ETV2: variants seen among roughly 807,000 people sequenced by gnomAD.
ETV2 encodes ETS translocation variant 2.
In ETV2, 34 loss-of-function variants were observed where a neutral mutation model predicts 35.7. That is an observed-to-expected ratio of 0.95 (90% CI 0.72 to 1.27). ETV2 has a LOEUF of 1.27. Ranked by LOEUF, ETV2 falls within the 50% of genes most tolerant of loss-of-function variation. ETV2 has a pLI of 0.00. For synonymous variants in ETV2, 207 were observed against 203.9 expected (o/e 1.02, Z -0.13); for missense variants, 512 against 470.5 (o/e 1.09, Z -0.82).
Position 35,643,769 on chromosome 19 carries a change from AG to A in ETV2, c.715+17del, listed in dbSNP as rs1393765606. 1.2e-6 allele frequency: 2 copies of A among 1,612,896 alleles called. No individual in the cohort carries two copies. Among genetic ancestry groups the A allele is most frequent in the African/African-American group, 2.7e-5 (2 of 74,842 alleles). On this transcript the variant is annotated intron_variant, in intron 5 of 6. Transcript: ENST00000402764. This position sits in a 1 kb window ranked among gnomAD's most constrained non-coding sequence, Gnocchi z 5.0. ...AACCACCGAGGTGAGAGGGCCGCAA[AG>A]ACTGCGGGGAGGGCGAAGCTGGAGT...
At position 35,643,737 on chromosome 19, in the gene ETV2, C is replaced by T. The variant is rs1967688414; in HGVS notation, c.699C>T (p.Pro233=). 1 of 1,613,498 alleles carries T rather than the reference C, an allele frequency of 6.2e-7. No individual in the cohort carries two copies. The highest frequency in any genetic ancestry group is 1.3e-5 in the African/African-American group (1 of 74,900). The change falls in exon 5 of 7, where the codon CCC becomes CCT. Residue 233 remains proline (P), a synonymous_variant. Transcript: ENST00000402764. This position sits in a 1 kb window ranked among gnomAD's most constrained non-coding sequence, Gnocchi z 5.0. ...ACCGTGCCAGTTTGGCTCGATGCCC[C>T]AAAACTAACCACCGAGGTGAGAGGG... ...QSDRASLARC[P]KTNHRGPIQL... is the part of the protein sequence containing the mutation.
In ETV2 at chr19:35,643,348, G is replaced by C. The variant is rs1967662813; in HGVS notation, c.310G>C (p.Gly104Arg). 6.3e-7 allele frequency: 1 copy of C among 1,592,340 alleles called. No homozygotes were observed. The highest frequency in any genetic ancestry group is 8.5e-7 in the Non-Finnish European group (1 of 1,171,194). Reference sequence around the variant, plus strand: ...GTGCACAGCCTGGGACTCTTGGAGCGGCGCCTCGCAGACCCTGGGCCCCGC... The same window carrying C: ...GTGCACAGCCTGGGACTCTTGGAGCCGCGCCTCGCAGACCCTGGGCCCCGC... ...MACTAWDSWS[G>R]ASQTLGPAPL... The change falls in exon 5 of 7, where the codon GGC (glycine) becomes CGC (arginine). Residue 104 changes from glycine (G) to arginine (R), a missense_variant. By Grantham distance (125) the Gly-to-Arg change is moderately radical. Coordinates refer to ENST00000402764, the MANE Select transcript of ETV2 (RefSeq NM_014209.4). This position sits in a 1 kb window ranked among gnomAD's most constrained non-coding sequence, Gnocchi z 5.0.
rs1967639374 is a variant in ETV2 at position 35,642,823 on chromosome 19, C to A, written c.154+125C>A. ...GGGTGGGGAGGGGCCGCGTGCTTGA[C>A]CCCTGAGGGTGAAGGAAAAGGGGGC... On this transcript the variant is annotated intron_variant, in intron 3 of 6. Transcript: ENST00000402764. This position sits in a 1 kb window ranked among gnomAD's most constrained non-coding sequence, Gnocchi z 4.4. 1.3e-5 allele frequency: 13 copies of A among 1,006,864 alleles called. No homozygotes were observed. The highest frequency in any genetic ancestry group is 2.0e-5 in the Non-Finnish European group (13 of 657,990). 62.4% of individuals were successfully genotyped at this position (1,006,864 alleles called of 1,614,324 possible).
At position 35,642,757 on chromosome 19, in the gene ETV2, G is replaced by T; in HGVS notation, c.154+59G>T. On this transcript the variant is annotated intron_variant, in intron 3 of 6. Coordinates refer to ENST00000402764, the MANE Select transcript of ETV2 (RefSeq NM_014209.4). This position sits in a 1 kb window ranked among gnomAD's most constrained non-coding sequence, Gnocchi z 4.4. ...AAGAAGCGGGGAGGCTGGGATCCTA[G>T]GGCAAAGGGAGGAGGGGGGCGTGCC... 2 of 1,391,992 alleles carry T rather than the reference G, an allele frequency of 1.4e-6. No individual in the cohort carries two copies. The highest frequency in any genetic ancestry group is 2.0e-6 in the Non-Finnish European group (2 of 1,006,286). 86.2% of individuals were successfully genotyped at this position (1,391,992 alleles called of 1,614,324 possible). A position where few individuals can be genotyped will look rare whatever the true frequency, so the allele number is the denominator to read the frequency against.
chr19:35,643,779 G>A lies in ETV2; in HGVS notation c.715+26G>A, dbSNP rs374150267. 1.8e-4 allele frequency: 292 copies of A among 1,612,774 alleles called. No homozygotes were observed. Among genetic ancestry groups the A allele is most frequent in the East Asian group, 6.0e-4 (27 of 44,822 alleles). On this transcript the variant is annotated intron_variant, in intron 5 of 6. Coordinates refer to ENST00000402764, the MANE Select transcript of ETV2 (RefSeq NM_014209.4). The surrounding 1 kb of genome is among the most constrained non-coding windows in gnomAD (Gnocchi z 5.0). ...GTGAGAGGGCCGCAAAGACTGCGGG[G>A]AGGGCGAAGCTGGAGTCCTGAGCCG... is the stretch of plus-strand genomic sequence containing the variant.
Position 35,642,747 on chromosome 19 carries a change from T to C in ETV2, c.154+49T>C. On this transcript the variant is annotated intron_variant, in intron 3 of 6. Coordinates refer to ENST00000402764, the MANE Select transcript of ETV2 (RefSeq NM_014209.4). This position sits in a 1 kb window ranked among gnomAD's most constrained non-coding sequence, Gnocchi z 4.4. ...AGTGCTGGAGAAGAAGCGGGGAGGC[T>C]GGGATCCTAGGGCAAAGGGAGGAGG... 7.0e-7 allele frequency: 1 copy of C among 1,425,296 alleles called. No homozygotes were observed. The highest frequency in any genetic ancestry group is 1.5e-5 in the African/African-American group (1 of 67,122). The allele number at this position is 1,425,296 out of a possible 1,614,324, so 88.3% of individuals were successfully genotyped here.
chr19:35,643,386 G>C lies in ETV2; in HGVS notation c.348G>C (p.Pro116=). ...CCCTGGGCCCCGCCCCTCTCGGCCC[G>C]GGCCCCATCCCCGCCGCCGGCTCCG... ...SQTLGPAPLG[P]GPIPAAGSEG... The change falls in exon 5 of 7, where the codon CCG becomes CCC. Residue 116 remains proline, a synonymous_variant. Transcript: ENST00000402764. The surrounding 1 kb of genome is among the most constrained non-coding windows in gnomAD (Gnocchi z 5.0). The C allele has an allele frequency of 1.3e-6, 2 of 1,551,430 alleles. No homozygotes were observed. The highest frequency in any genetic ancestry group is 1.7e-6 in the Non-Finnish European group (2 of 1,148,278).
Position 35,644,390 on chromosome 19 carries a change from C to G in ETV2, c.828+43C>G. ...CCCAGCCAAATCCGCCCCGTCTCTT[C>G]TAGTTCAATTTAGCTCCGCCCAAGG... On this transcript the variant is annotated intron_variant, in intron 6 of 6. Transcript: ENST00000402764. This position sits in a 1 kb window ranked among gnomAD's most constrained non-coding sequence, Gnocchi z 4.7. The G allele has an allele frequency of 7.6e-7, 1 of 1,317,162 alleles. No homozygotes were observed. The highest frequency in any genetic ancestry group is 1.1e-6 in the Non-Finnish European group (1 of 936,130). The allele number at this position is 1,317,162 out of a possible 1,614,324, so 81.6% of individuals were successfully genotyped here.
chr19:35,643,658 A>G lies in ETV2; in HGVS notation c.620A>G (p.Lys207Arg), dbSNP rs779213539. Residue 207 changes from lysine (K) to arginine (R), a missense_variant, in exon 5 of 7, where the codon AAG becomes AGG. Physicochemically the swap from Lys to Arg is conservative, Grantham distance 26. Coordinates refer to ENST00000402764, the MANE Select transcript of ETV2 (RefSeq NM_014209.4). The surrounding 1 kb of genome is among the most constrained non-coding windows in gnomAD (Gnocchi z 5.0). ...CATGCGGGTGGCACCACCTCTTTGA[A>G]GCGGTACCAGAGCTCAGCTCTCACC... ...GLHAGGTTSL[K>R]RYQSSALTVC... is the part of the protein sequence containing the mutation. 6.2e-6 allele frequency: 10 copies of G among 1,613,602 alleles called. No homozygotes were observed. In the African/African-American group the frequency reaches 1.2e-4, roughly 19 times the overall value.
chr19:35,643,339 T>A lies in ETV2; in HGVS notation c.301T>A (p.Ser101Thr). ...WTDMACTAWDSWSGASQTLGP... is the reference protein window; with the variant it reads ...WTDMACTAWDTWSGASQTLGP... ...AGACATGGCGTGCACAGCCTGGGAC[T>A]CTTGGAGCGGCGCCTCGCAGACCCT... Residue 101 changes from serine (S) to threonine (T), a missense_variant, in exon 5 of 7, where the codon TCT (serine) becomes ACT (threonine). Coordinates refer to ENST00000402764, the MANE Select transcript of ETV2 (RefSeq NM_014209.4). The surrounding 1 kb of genome is among the most constrained non-coding windows in gnomAD (Gnocchi z 5.0). 1 of 1,597,512 alleles carries A rather than the reference T, an allele frequency of 6.3e-7. No homozygotes were observed. Among genetic ancestry groups the A allele is most frequent in the Non-Finnish European group, 8.5e-7 (1 of 1,173,690 alleles).
Position 35,644,742 on chromosome 19 carries a change from A to G in ETV2, c.919A>G (p.Ile307Val). 6.2e-7 allele frequency: 1 copy of G among 1,609,966 alleles called. No homozygotes were observed. ...CCTTCGCTACTACTATCGCCGCGACATCGTGCGCAAGAGCGGGGGGCGAAA... is the reference window on the plus strand; with the variant it reads ...CCTTCGCTACTACTATCGCCGCGACGTCGTGCGCAAGAGCGGGGGGCGAAA... Reference protein sequence around the residue: ...RGLRYYYRRDIVRKSGGRKYT... With the variant: ...RGLRYYYRRDVVRKSGGRKYT... The change falls in exon 7 of 7, where the codon ATC (isoleucine) becomes GTC (valine). Residue 307 changes from isoleucine to valine, a missense_variant. Ile to Val is a conservative substitution (Grantham distance 29, BLOSUM62 3). Transcript: ENST00000402764. The surrounding 1 kb of genome is among the most constrained non-coding windows in gnomAD (Gnocchi z 4.7).
Position 35,643,233 on chromosome 19 carries a change from C to T in ETV2, c.236-41C>T. ...TTAGACCCTAGAGTTTTTGAGGGGG[C>T]ACCTGGGCTCCCCTCACTCGGGATC... On this transcript the variant is annotated intron_variant, in intron 4 of 6. Transcript: ENST00000402764. The surrounding 1 kb of genome is among the most constrained non-coding windows in gnomAD (Gnocchi z 5.0). 1 of 1,556,836 alleles carries T rather than the reference C, an allele frequency of 6.4e-7. No homozygotes were observed. The highest frequency in any genetic ancestry group is 8.7e-7 in the Non-Finnish European group (1 of 1,155,570).
chr19:35,644,320 C>T lies in ETV2; in HGVS notation c.801C>T (p.Arg267=). ...GCATCCGTTGGACTGGCAACAGCCG[C>T]GAGTTCCAGCTGTGCGACCCCAAAG... ...SSCIRWTGNS[R]EFQLCDPKEV... The change falls in exon 6 of 7, where the codon CGC becomes CGT. Residue 267 remains arginine (R), a synonymous_variant. Transcript: ENST00000402764. This position sits in a 1 kb window ranked among gnomAD's most constrained non-coding sequence, Gnocchi z 4.7. 1 of 1,554,562 alleles carries T rather than the reference C, an allele frequency of 6.4e-7. No homozygotes were observed. The highest frequency in any genetic ancestry group is 1.4e-5 in the African/African-American group (1 of 73,324).
chr19:35,644,138 C>A lies in ETV2; in HGVS notation c.716-97C>A. On this transcript the variant is annotated intron_variant, in intron 5 of 6. Coordinates refer to ENST00000402764, the MANE Select transcript of ETV2 (RefSeq NM_014209.4). The surrounding 1 kb of genome is among the most constrained non-coding windows in gnomAD (Gnocchi z 4.7). ...GGGGGGCGGATCCCCTTCTCGGGTCCTGGGTCCCGAGTTGGGAGGACCCGG... is the reference window on the plus strand; with the variant it reads ...GGGGGGCGGATCCCCTTCTCGGGTCATGGGTCCCGAGTTGGGAGGACCCGG... 1.2e-6 allele frequency: 1 copy of A among 848,716 alleles called. No homozygotes were observed. The highest frequency in any genetic ancestry group is 1.9e-6 in the Non-Finnish European group (1 of 515,548). The allele number at this position is 848,716 out of a possible 1,614,324, so 52.6% of individuals were successfully genotyped here.
Position 35,644,302 on chromosome 19 carries a change from T to G in ETV2, c.783T>G (p.Arg261=), listed in dbSNP as rs1249035089. 1 of 1,557,814 alleles carries G rather than the reference T, an allele frequency of 6.4e-7. No individual in the cohort carries two copies. Among genetic ancestry groups the G allele is most frequent in the South Asian group, 1.2e-5 (1 of 84,484 alleles). The change falls in exon 6 of 7, where the codon CGT becomes CGG. Residue 261 remains arginine, a synonymous_variant. Transcript: ENST00000402764. The surrounding 1 kb of genome is among the most constrained non-coding windows in gnomAD (Gnocchi z 4.7). ...LHDGARSSCI[R]WTGNSREFQL... The stretch of plus-strand genomic sequence containing the variant: ...ACGGGGCGCGTAGCAGCTGCATCCG[T>G]TGGACTGGCAACAGCCGCGAGTTCC...
Position 35,642,513 on chromosome 19 carries a change from A to C in ETV2, c.53A>C (p.Asn18Thr), listed in dbSNP as rs146305038. ...EASPQEVPPGNKLAGLEGAKL... is the reference protein window; with the variant it reads ...EASPQEVPPGTKLAGLEGAKL... ...TCCCCACAGGAAGTGCCTCCAGGGAACAAGCTGGCAGGGCTTGGTAGGCTG... is the reference window on the plus strand; with the variant it reads ...TCCCCACAGGAAGTGCCTCCAGGGACCAAGCTGGCAGGGCTTGGTAGGCTG... Residue 18 changes from asparagine (N) to threonine (T), a missense_variant, in exon 2 of 7, where the codon AAC becomes ACC. Transcript: ENST00000402764. This position sits in a 1 kb window ranked among gnomAD's most constrained non-coding sequence, Gnocchi z 4.4. 12 of 1,612,976 alleles carry C rather than the reference A, an allele frequency of 7.4e-6. No homozygotes were observed. The highest frequency in any genetic ancestry group is 9.3e-6 in the Non-Finnish European group (11 of 1,179,414).
At position 35,643,860 on chromosome 19, in the gene ETV2, G is replaced by A. The variant is rs1043297567; in HGVS notation, c.715+107G>A. The stretch of plus-strand genomic sequence containing the variant: ...GGAGACTGACAGTGAGGGGGCGGGG[G>A]CTTAGGGACCAGGGGCTCGAAGGAG... On this transcript the variant is annotated intron_variant, in intron 5 of 6. Transcript: ENST00000402764. This position sits in a 1 kb window ranked among gnomAD's most constrained non-coding sequence, Gnocchi z 5.0. 8 of 1,510,712 alleles carry A rather than the reference G, an allele frequency of 5.3e-6. 1 individual carries two copies. Among genetic ancestry groups the A allele is most frequent in the Admixed American group, 4.1e-5 (2 of 48,532 alleles). The allele number at this position is 1,510,712 out of a possible 1,614,324, so 93.6% of individuals were successfully genotyped here.
In ETV2 at chr19:35,644,227, T is replaced by C; in HGVS notation, c.716-8T>C. On this transcript the variant is annotated splice_region_variant and splice_polypyrimidine_tract_variant and intron_variant, in intron 5 of 6. Transcript: ENST00000402764. The surrounding 1 kb of genome is among the most constrained non-coding windows in gnomAD (Gnocchi z 4.7). The stretch of plus-strand genomic sequence containing the variant: ...AAGACTGAGTGTGCCCCTCCCTTCA[T>C]CCCGCAGGTCCCATTCAGCTGTGGC... 6.5e-7 allele frequency: 1 copy of C among 1,539,682 alleles called. No individual in the cohort carries two copies. The highest frequency in any genetic ancestry group is 8.8e-7 in the Non-Finnish European group (1 of 1,134,194).
chr19:35,643,474 C>A lies in ETV2; in HGVS notation c.436C>A (p.Gln146Lys), dbSNP rs1184243556. The A allele has an allele frequency of 1.3e-6, 2 of 1,547,944 alleles. No individual in the cohort carries two copies. The highest frequency in any genetic ancestry group is 1.4e-5 in the African/African-American group (1 of 72,814). Residue 146 changes from glutamine (Q) to lysine (K), a missense_variant, in exon 5 of 7, where the codon CAG becomes AAG. Gln to Lys is a moderately conservative substitution (Grantham distance 53). Coordinates refer to ENST00000402764, the MANE Select transcript of ETV2 (RefSeq NM_014209.4). This position sits in a 1 kb window ranked among gnomAD's most constrained non-coding sequence, Gnocchi z 5.0. The part of the protein sequence containing the change: ...AGEATSWSRA[Q>K]AAGSNTSWDC... ...AGAGGCCACCTCGTGGTCGCGCGCC[C>A]AGGCCGCCGGGAGCAACACCAGCTG...
Sources: allele counts gnomAD v4.1 joint callset, GRCh38; gene constraint gnomAD v4.1.1; non-coding constraint Gnocchi (gnomAD v3.1); transcripts MANE v1.5; gene names NCBI Gene and HGNC (gene_info 2026-07-23, HGNC 2026-07-21).